Variants in GIP observed in about 807,000 individuals in gnomAD.
GIP encodes glucose-dependent insulinotropic polypeptide.
In GIP, 16 loss-of-function variants were observed where a neutral mutation model predicts 18.1. That is an observed-to-expected ratio of 0.88 (90% CI 0.60 to 1.34). The LOEUF is 1.34. Among genes scored for constraint, GIP ranks in the 40% most tolerant of loss-of-function variants. The pLI is 0.00. For missense variants in GIP, 192 were observed against 183.4 expected (o/e 1.05, Z -0.27); for synonymous variants, 76 against 74.0 (o/e 1.03, Z -0.14).
intron 5 of GIP, among the ~76,000 whole-genome samples, chr17:48,958,929 A>ACTG (rs1352431030): frequency 6.8e-6 from 1 of 146,812 alleles, no homozygotes; most frequent in Non-Finnish European, 1.5e-5. Context: ...ATCTCGGCTC[A>ACTG]CCGCAAGCTC....
intron 2 of GIP, among the ~76,000 whole-genome samples, chr17:48,966,672 T>A (rs1279845902): frequency 1.3e-5 from 2 of 151,854 alleles, no homozygotes; most frequent in African/African-American, 4.8e-5. Context: ...CCGAGCGTGG[T>A]GGTACATGCC....
chr17:48,965,445 A>C (rs1330349725), intron 2 of GIP, among the ~76,000 whole-genome samples: 2 of 150,232 alleles, frequency 1.3e-5, no homozygotes, highest in Non-Finnish European at 3.0e-5. Flanking sequence ...TCTACTAAAA[A>C]TACAAAAAAA....
In GIP at chr17:48,966,762, C is replaced by G. The variant is rs149245935; in HGVS notation, c.86+385G>C. 6.5e-3 allele frequency among the ~76,000 whole-genome samples: 990 copies of G among 151,612 alleles called. 8 individuals are homozygous for G. Among genetic ancestry groups the G allele is most frequent in the African/African-American group, 0.023 (936 of 41,272 alleles). ...CAGAGGCTGCAGTGAGCTGCGATCA[C>G]GCCACTGCACTCCAGCCTGGGCGAC... On this transcript the variant is annotated intron_variant, in intron 2 of 5. Transcript: ENST00000357424.
chr17:48,967,221 CG>C lies in GIP; in HGVS notation c.11del (p.Thr4ArgfsTer17). The C allele has an allele frequency of 6.2e-7, 1 of 1,613,946 alleles. No homozygotes were observed. The highest frequency in any genetic ancestry group is 2.2e-5 in the East Asian group (1 of 44,874). On this transcript the variant is annotated frameshift_variant, in exon 2 of 6. Coordinates refer to ENST00000357424, the MANE Select transcript of GIP (RefSeq NM_004123.3). LOFTEE classifies it high-confidence loss of function. MVA[T>X]KTFALLLLSL... ...ACAGCAGCAGCAGAGCAAAGGTCTTCGTGGCCACCATCTTCCAAGGTTATTT... is the reference window on the plus strand; with the variant it reads ...ACAGCAGCAGCAGAGCAAAGGTCTTCTGGCCACCATCTTCCAAGGTTATTT...
In GIP at chr17:48,960,861, G is replaced by A. The variant is rs781193345; in HGVS notation, c.452+25C>T. 1.1e-5 allele frequency: 15 copies of A among 1,399,962 alleles called. No homozygotes were observed. The African/African-American group carries it at 1.3e-4, about 12-fold the overall frequency. The allele number at this position is 1,399,962 out of a possible 1,614,324, so 86.7% of individuals were successfully genotyped here. A position where few individuals can be genotyped will look rare whatever the true frequency, so the allele number is the denominator to read the frequency against. Reference sequence around the variant, plus strand: ...TGATGCCCAAGCTCAAGTTAGAACCGCTGTGCAACACCACACTCCCCTACC... The same window carrying A: ...TGATGCCCAAGCTCAAGTTAGAACCACTGTGCAACACCACACTCCCCTACC... On this transcript the variant is annotated intron_variant, in intron 5 of 5. Transcript: ENST00000357424.
At chr17:48,964,621 C>G (rs905345836) in intron 2 of GIP, 141 bp from the exon 3 acceptor site, 3 of 651,186 alleles carry the variant, frequency 4.6e-6, no homozygotes, top group South Asian at 3.8e-5. Context: ...TCCACTCCCC[C>G]ACCCCACCCC....
At chr17:48,961,895 G>T in intron 3 of GIP, 76 bp from the exon 4 acceptor site, 1 of 990,652 alleles carries the variant, frequency 1.0e-6, no homozygotes, top group Non-Finnish European at 1.6e-6. Context: ...TTTAATATCT[G>T]AACCCCAAAA....
intron 2 of GIP, among the ~76,000 whole-genome samples, chr17:48,965,076 T>C (rs1203557934): frequency 2.7e-5 from 4 of 148,440 alleles, no homozygotes; most frequent in African/African-American, 1.0e-4. Context: ...GAGGCGGAGC[T>C]TGCAGTGAGC....
chr17:48,962,914 C>T (rs1297251413), intron 3 of GIP, among the ~76,000 whole-genome samples: 2 of 149,898 alleles, frequency 1.3e-5, no homozygotes, highest in African/African-American at 4.9e-5. Flanking sequence ...ACCATCCAGG[C>T]CAACACGGTG....
intron 3 of GIP, among the ~76,000 whole-genome samples, chr17:48,962,494 G>C (rs982588450): frequency 7.2e-5 from 11 of 151,914 alleles, no homozygotes; most frequent in African/African-American, 2.7e-4. Flanking sequence ...TCAGCCTCCC[G>C]AGTAGCTGGA....
chr17:48,964,800 C>A (rs7221126), intron 2 of GIP, among the ~76,000 whole-genome samples: 41,779 of 151,946 alleles, frequency 0.27, 5,991 homozygotes, highest in Admixed American at 0.39. Flanking sequence ...TCGAGACCAG[C>A]CTGACCAACA....
Position 48,960,876 on chromosome 17 carries a change from A to ACT in GIP, c.452+8_452+9dup, listed in dbSNP as rs1567796237. The stretch of plus-strand genomic sequence containing the variant: ...AGTTAGAACCGCTGTGCAACACCAC[A>ACT]CTCCCCTACCTGAGCCTGCAGAGGT... On this transcript the variant is annotated intron_variant, in intron 5 of 5. Coordinates refer to ENST00000357424, the MANE Select transcript of GIP (RefSeq NM_004123.3). 4 of 1,538,976 alleles carry ACT rather than the reference A, an allele frequency of 2.6e-6. No homozygotes were observed. The South Asian group carries it at 4.7e-5, about 18-fold the overall frequency.
chr17:48,961,055 T>G lies in GIP; in HGVS notation c.351-68A>C, dbSNP rs1165989563. 3.7e-6 allele frequency: 4 copies of G among 1,082,142 alleles called. No homozygotes were observed. In the Admixed American group the frequency reaches 7.2e-5, roughly 19 times the overall value. 67.0% of individuals were successfully genotyped at this position (1,082,142 alleles called of 1,614,324 possible). ...TCGCCCAGAGAGGGTAAACACAGGG[T>G]TGGGGACACCACTGAGGGGCAGCCG... On this transcript the variant is annotated intron_variant, in intron 4 of 5. Coordinates refer to ENST00000357424, the MANE Select transcript of GIP (RefSeq NM_004123.3).
At chr17:48,961,892 T>C (rs2291726) in intron 3 of GIP, 73 bp from the exon 4 acceptor site, 492,033 of 1,037,598 alleles carry the variant, frequency 0.47, 122,403 homozygotes, top group African/African-American at 0.8. Context: ...TCTTTTAATA[T>C]CTGAACCCCA....
intron 5 of GIP, among the ~76,000 whole-genome samples, chr17:48,959,771 GA>G (rs1237013319): frequency 1.5e-4 from 21 of 143,228 alleles, no homozygotes; most frequent in African/African-American, 5.5e-4. Context: ...GGACAGGCAG[GA>G]CACAGGATGG....
rs61733693 is a variant in GIP, at chr17:48,964,464, G to T, written c.103C>A (p.Pro35Thr). 1.0e-3 allele frequency: 1,629 copies of T among 1,613,986 alleles called. 16 individuals carry two copies. In the African/African-American group the frequency reaches 0.019, roughly 19 times the overall value. ...EGHFSALPSL[P>T]VGSHAKVSSP... ...CTCACCTTAGCATGAGATCCAACAG[G>T]CAGGGAGGGGAGAGCGCTGGAAACA... Residue 35 changes from proline to threonine, a missense_variant, in exon 3 of 6, where the codon CCT becomes ACT. Physicochemically the swap from Pro to Thr is conservative, Grantham distance 38 (BLOSUM62 -1). Coordinates refer to ENST00000357424, the MANE Select transcript of GIP (RefSeq NM_004123.3).
chr17:48,961,894 T>A, intron 3 of GIP, 75 bp from the exon 4 acceptor site: 1 of 994,318 alleles, frequency 1.0e-6, no homozygotes, highest in Non-Finnish European at 1.5e-6. Flanking sequence ...TTTTAATATC[T>A]GAACCCCAAA....
chr17:48,965,493 T>A (rs1332081919), intron 2 of GIP, among the ~76,000 whole-genome samples: 2 of 150,000 alleles, frequency 1.3e-5, no homozygotes, highest in East Asian at 2.0e-4. Flanking sequence ...TAGTCCCAGC[T>A]ACTTGGGAGG....
chr17:48,961,706 T>C lies in GIP; in HGVS notation c.350+21A>G, dbSNP rs757933536. ...GGGCAGGAGGCTTGGCTCCCTCCCT[T>C]CCCTCTGCGCCCTGACTCACCTCTG... is the stretch of plus-strand genomic sequence containing the variant. On this transcript the variant is annotated intron_variant, in intron 4 of 5. Transcript: ENST00000357424. 2.6e-6 allele frequency: 4 copies of C among 1,526,998 alleles called. No homozygotes were observed. The East Asian group carries it at 6.7e-5, about 26-fold the overall frequency. 94.6% of individuals were successfully genotyped at this position (1,526,998 alleles called of 1,614,324 possible).
Sources: gnomAD v4.1 joint callset for allele counts (sites outside exome capture counted in the v4.1 genomes callset) on GRCh38, gnomAD v4.1.1 for gene constraint, MANE v1.5 for transcripts, NCBI Gene and HGNC (gene_info 2026-07-23, HGNC 2026-07-21) for gene names.